The following IFT57 variants were observed in gnomAD, a reference collection of about 807,000 sequenced individuals.
IFT57 encodes the protein intraflagellar transport 57.
A neutral mutation model predicts 56.8 loss-of-function variants in IFT57; 59 were observed. The ratio of observed to expected loss-of-function variants is 1.04; its 90% CI spans 0.84 to 1.29. The LOEUF (loss-of-function observed/expected upper bound fraction) is 1.29, where lower values mean the gene tolerates loss of function less well. IFT57 is among the 50% of genes most tolerant of loss of function. The probability of loss-of-function intolerance (pLI) is 0.00; values close to 1 mark genes in which losing one functional copy is unlikely to be tolerated. For synonymous variants in IFT57, 209 were observed against 186.1 expected, an observed-to-expected ratio of 1.12 and a Z score of -1.00; for missense variants, 470 against 522.1, an observed-to-expected ratio of 0.90 and a Z score of 0.97.
At chr3:108,219,330 G>A in intron 2 of IFT57, 80 bp downstream of exon 2, 3 of 1,182,326 alleles carry the variant, frequency 2.5e-6, no homozygotes, top group Admixed American at 3.6e-5. Flanking sequence ...TCATCTAAAT[G>A]GCTAGCATTT....
intron 6 of IFT57, among the ~76,000 whole-genome samples, chr3:108,172,298 C>T (rs150107937): frequency 6.6e-6 from 1 of 151,696 alleles, no homozygotes; most frequent in Admixed American, 6.6e-5. Flanking sequence ...AGCTGTCTAG[C>T]ATGGAAAACA....
At position 108,162,457 on chromosome 3, in the gene IFT57, A is replaced by T. The variant is rs1366735783; in HGVS notation, c.*20T>A. 2.6e-6 allele frequency: 4 copies of T among 1,558,100 alleles called. No homozygotes were observed. The African/African-American group carries it at 5.5e-5, about 21-fold the overall frequency. Reference sequence around the variant, plus strand: ...GATATAAAAAACCCAACTAATCAGAAACATGAAAACCAGTATGTTTTAATA... The same window carrying T: ...GATATAAAAAACCCAACTAATCAGATACATGAAAACCAGTATGTTTTAATA... On this transcript the variant is annotated 3_prime_UTR_variant, in exon 11 of 11. Coordinates refer to ENST00000264538, the MANE Select transcript of IFT57 (RefSeq NM_018010.4).
At position 108,191,508 on chromosome 3, in the gene IFT57, C is replaced by A. The variant is rs746028787; in HGVS notation, c.777+13G>T. The A allele has an allele frequency of 6.6e-7, 1 of 1,525,824 alleles. No individual in the cohort carries two copies. Among genetic ancestry groups the A allele is most frequent in the Non-Finnish European group, 8.8e-7 (1 of 1,138,302 alleles). The allele number at this position is 1,525,824 out of a possible 1,614,324, so 94.5% of individuals were successfully genotyped here. On this transcript the variant is annotated intron_variant, in intron 6 of 10. Coordinates refer to ENST00000264538, the MANE Select transcript of IFT57 (RefSeq NM_018010.4). ...TTTTTTTTTTTTAAGAAAATGTGTT[C>A]CCACTTTGATACCTTATTGTCAGTC...
rs986189326 is a variant in IFT57, at chr3:108,161,676, ATAAG to A, written c.*797_*800del. Reference sequence around the variant, plus strand: ...CCTAGAAAGTTGCTCAGGAAGATGCATAAGTAAAGATCATCAGTACTAGAGGCTG... The same window carrying A: ...CCTAGAAAGTTGCTCAGGAAGATGCATAAAGATCATCAGTACTAGAGGCTG... On this transcript the variant is annotated 3_prime_UTR_variant, in exon 11 of 11. Coordinates refer to ENST00000264538, the MANE Select transcript of IFT57 (RefSeq NM_018010.4). 4 of 152,274 alleles carry A rather than the reference ATAAG, an allele frequency of 2.6e-5. No homozygotes were observed. The highest frequency in any genetic ancestry group is 2.0e-4 in the Admixed American group (3 of 15,282). The allele number at this position is 152,274 out of a possible 1,614,324, so 9.4% of individuals were successfully genotyped here.
intron 6 of IFT57, among the ~76,000 whole-genome samples, chr3:108,181,633 G>A (rs2080151564): frequency 6.6e-6 from 1 of 152,068 alleles, no homozygotes; most frequent in African/African-American, 2.4e-5. Flanking sequence ...ATTATAGCAG[G>A]TGTTTCAAGG....
intron 4 of IFT57, among the ~76,000 whole-genome samples, chr3:108,209,673 GAAC>G (rs1205869836): frequency 1.3e-5 from 2 of 152,120 alleles, no homozygotes; most frequent in Non-Finnish European, 2.9e-5. Flanking sequence ...GGGCTGAATA[GAAC>G]AAAAAAGCTG....
intron 6 of IFT57, among the ~76,000 whole-genome samples, chr3:108,179,563 C>T (rs1224703932): frequency 6.6e-6 from 1 of 152,004 alleles, no homozygotes; most frequent in African/African-American, 2.4e-5. Context: ...AGCAGATTTG[C>T]AATCTCTTCT....
rs1421881056 is a variant in IFT57, at chr3:108,162,661, G to C, written c.1112-6C>G. 6.3e-7 allele frequency: 1 copy of C among 1,577,788 alleles called. No individual in the cohort carries two copies. Among genetic ancestry groups the C allele is most frequent in the Non-Finnish European group, 8.6e-7 (1 of 1,159,018 alleles). On this transcript the variant is annotated splice_region_variant and splice_polypyrimidine_tract_variant and intron_variant, in intron 10 of 10. Coordinates refer to ENST00000264538, the MANE Select transcript of IFT57 (RefSeq NM_018010.4). ...TTTAATCTTCACCAAAGGAGCTGCA[G>C]AATGAAAATAACATGAAATAAAAAT...
At chr3:108,171,953 A>ATACC (rs2080095182) in intron 6 of IFT57, among the ~76,000 whole-genome samples, 1 of 151,592 alleles carries the variant, frequency 6.6e-6, no homozygotes, top group Non-Finnish European at 1.5e-5. Context: ...AGAAAAATGC[A>ATACC]TACATACATA....
At chr3:108,185,365 A>C (rs994577983) in intron 6 of IFT57, among the ~76,000 whole-genome samples, 2 of 152,158 alleles carry the variant, frequency 1.3e-5, no homozygotes, top group African/African-American at 2.4e-5. Context: ...AAATGTCAAG[A>C]TAACAGGAGA....
intron 5 of IFT57, among the ~76,000 whole-genome samples, chr3:108,200,162 T>G (rs975907224): frequency 2.0e-5 from 3 of 152,170 alleles, no homozygotes; most frequent in Non-Finnish European, 2.9e-5. Context: ...CAGAATGACC[T>G]GTAATAGCCA....
At chr3:108,197,050 A>G (rs1239953849) in intron 5 of IFT57, among the ~76,000 whole-genome samples, 1 of 152,172 alleles carries the variant, frequency 6.6e-6, no homozygotes, top group Non-Finnish European at 1.5e-5. Context: ...CATTTAATCA[A>G]AATTTTATAT....
chr3:108,217,521 A>AT (rs2080379314), intron 3 of IFT57, among the ~76,000 whole-genome samples: 1 of 152,036 alleles, frequency 6.6e-6, no homozygotes, highest in Non-Finnish European at 1.5e-5. Context: ...TGAAATTGCC[A>AT]TTTTTTAGTT....
intron 5 of IFT57, among the ~76,000 whole-genome samples, chr3:108,192,736 A>G (rs1000066187): frequency 6.6e-6 from 1 of 152,140 alleles, no homozygotes; most frequent in Non-Finnish European, 1.5e-5. Flanking sequence ...TAATTTGAAT[A>G]ATCTATAAAA....
At chr3:108,192,700 A>G (rs1440880806) in intron 5 of IFT57, among the ~76,000 whole-genome samples, 1 of 152,062 alleles carries the variant, frequency 6.6e-6, no homozygotes, top group African/African-American at 2.4e-5. Flanking sequence ...AAACAGACTT[A>G]AAATGTATGA....
chr3:108,211,999 T>A (rs1023519157), intron 4 of IFT57, among the ~76,000 whole-genome samples: 1 of 152,186 alleles, frequency 6.6e-6, no homozygotes, highest in African/African-American at 2.4e-5. Flanking sequence ...ACATTTTTTG[T>A]AGAGACAGGG....
chr3:108,170,574 C>T (rs891829747), intron 6 of IFT57, among the ~76,000 whole-genome samples: 1 of 151,812 alleles, frequency 6.6e-6, no homozygotes, highest in Non-Finnish European at 1.5e-5. Context: ...GCCATACTGC[C>T]CAAAGTAATT....
chr3:108,202,714 G>C (rs970939043), intron 5 of IFT57, among the ~76,000 whole-genome samples: 1 of 152,200 alleles, frequency 6.6e-6, no homozygotes, highest in Non-Finnish European at 1.5e-5. Context: ...AATTGCAGTT[G>C]TTGGCAAAAT....
intron 5 of IFT57, 43 bp downstream of exon 5, chr3:108,206,585 C>T: frequency 2.4e-6 from 2 of 845,820 alleles, no homozygotes; most frequent in African/African-American, 1.8e-5. Context: ...AGAACATGTA[C>T]ATTGATTGCT....
Sources: gnomAD v4.1 joint callset for allele counts (sites outside exome capture counted in the v4.1 genomes callset) on GRCh38, gnomAD v4.1.1 for gene constraint, MANE v1.5 for transcripts, NCBI Gene and HGNC (gene_info 2026-07-23, HGNC 2026-07-21) for gene names.